Variants in DCC observed in about 807,000 individuals in gnomAD.
DCC encodes DCC netrin 1 receptor.
DCC carries 58 observed loss-of-function variants against 172.5 expected under a neutral mutation model. That is an observed-to-expected ratio of 0.34 (90% CI 0.27 to 0.42). The LOEUF (loss-of-function observed/expected upper bound fraction) is 0.42, where lower values mean the gene tolerates loss of function less well. Ranked by LOEUF, DCC falls within the 10% of genes least tolerant of loss-of-function variation. The pLI is 1.00. For missense variants in DCC, 1,740 were observed against 1,791.0 expected, an observed-to-expected ratio of 0.97 and a Z score of 0.51; for synonymous variants, 709 against 644.5, an observed-to-expected ratio of 1.10 and a Z score of -1.52.
In DCC at chr18:52,752,257, A is replaced by T; in HGVS notation, c.295A>T (p.Ile99Leu). ...GCAACTTTCAAATGGGTCTCTGCTG[A>T]TACAAAACATACTTCATTCCAGACA... ...KQQLSNGSLLIQNILHSRHHK... is the reference protein window; with the variant it reads ...KQQLSNGSLLLQNILHSRHHK... Residue 99 changes from isoleucine to leucine, a missense_variant, in exon 2 of 29, where the codon ATA becomes TTA. Physicochemically the swap from Ile to Leu is conservative, Grantham distance 5. This residue lies in a region of DCC where 1,732 missense variants were observed against 1,767.4 expected (regional missense o/e 0.98). Transcript: ENST00000442544. 6.2e-7 allele frequency: 1 copy of T among 1,614,180 alleles called. No homozygotes were observed. The highest frequency in any genetic ancestry group is 8.5e-7 in the Non-Finnish European group (1 of 1,180,032).
At chr18:52,914,771 G>A (rs1472687910) in intron 3 of DCC, among the ~76,000 whole-genome samples, 1 of 152,140 alleles carries the variant, frequency 6.6e-6, no homozygotes, top group Admixed American at 6.6e-5. Flanking sequence ...GATGCGGGAT[G>A]GCTAAGCAGC....
At chr18:53,452,604 C>T (rs2045427677) in intron 23 of DCC, among the ~76,000 whole-genome samples, 1 of 152,164 alleles carries the variant, frequency 6.6e-6, no homozygotes, top group African/African-American at 2.4e-5. Context: ...AAAAGGGAGA[C>T]TCTGAGCCCT....
At chr18:53,443,064 C>G (rs192640118) in intron 22 of DCC, among the ~76,000 whole-genome samples, 3 of 152,246 alleles carry the variant, frequency 2.0e-5, no homozygotes, top group Admixed American at 2.0e-4. Context: ...AGGAAGTTAT[C>G]CAGAAGATCT....
chr18:53,267,087 T>TAC lies in DCC; in HGVS notation c.1912-38478_1912-38477dup, dbSNP rs1175991668. The stretch of plus-strand genomic sequence containing the variant: ...AATAACACTATGTTTAACCTTTATA[T>TAC]ACACACACACACACTCTCTCTCTCA... On this transcript the variant is annotated intron_variant, in intron 12 of 28. Coordinates refer to ENST00000442544, the MANE Select transcript of DCC (RefSeq NM_005215.4). Among the ~76,000 whole-genome samples the TAC allele has an allele frequency of 7.7e-4, 115 of 149,464 alleles. No individual in the cohort carries two copies. In the Middle Eastern group the frequency reaches 0.01, roughly 13 times the overall value.
chr18:53,435,740 G>A (rs901635543), intron 22 of DCC, among the ~76,000 whole-genome samples: 1 of 152,056 alleles, frequency 6.6e-6, no homozygotes, highest in Non-Finnish European at 1.5e-5. Context: ...TCATCCTAGT[G>A]GAGCATGCCC....
intron 7 of DCC, among the ~76,000 whole-genome samples, chr18:53,108,135 A>G (rs1031066887): frequency 6.6e-6 from 1 of 151,104 alleles, no homozygotes; most frequent in Admixed American, 6.7e-5. Context: ...TCTATTATGA[A>G]ACATAAGACT....
chr18:52,677,050 G>C (rs1318610581), intron 1 of DCC, among the ~76,000 whole-genome samples: 1 of 152,056 alleles, frequency 6.6e-6, no homozygotes, highest in Non-Finnish European at 1.5e-5. Flanking sequence ...AGCTCAAAGA[G>C]CTCTGAGAAA....
At chr18:52,990,972 G>T (rs193095085) in intron 5 of DCC, among the ~76,000 whole-genome samples, 17 of 152,102 alleles carry the variant, frequency 1.1e-4, no homozygotes, top group Admixed American at 2.0e-4. Context: ...GTTTATTGAC[G>T]AGGGCATTGA....
At chr18:52,962,336 C>CA (rs2040855420) in intron 5 of DCC, among the ~76,000 whole-genome samples, 2 of 150,894 alleles carry the variant, frequency 1.3e-5, no homozygotes, top group Non-Finnish European at 3.0e-5. Flanking sequence ...TTTATGCAGC[C>CA]AAAAAACACA....
intron 1 of DCC, among the ~76,000 whole-genome samples, chr18:52,474,852 A>G (rs1989049313): frequency 6.6e-6 from 1 of 152,196 alleles, no homozygotes; most frequent in African/African-American, 2.4e-5. Flanking sequence ...GGACAGTGAA[A>G]TGGGGACCCC....
At chr18:52,886,187 C>G (rs911621684) in intron 2 of DCC, among the ~76,000 whole-genome samples, 4 of 152,204 alleles carry the variant, frequency 2.6e-5, no homozygotes, top group Admixed American at 2.6e-4. Flanking sequence ...CACATGCCAT[C>G]CGAATCTACT....
intron 3 of DCC, among the ~76,000 whole-genome samples, chr18:52,918,614 A>G (rs188400648): frequency 6.6e-6 from 1 of 152,296 alleles, no homozygotes; most frequent in African/African-American, 2.4e-5. Flanking sequence ...GCAAGAATCC[A>G]AAGATGAAAA....
At chr18:52,661,639 C>A (rs1461042951) in intron 1 of DCC, among the ~76,000 whole-genome samples, 2 of 152,196 alleles carry the variant, frequency 1.3e-5, no homozygotes, top group Non-Finnish European at 2.9e-5. Context: ...TAGAGGGAAA[C>A]CCAGCCCCAC....
At chr18:53,225,973 T>C (rs1044758254) in intron 12 of DCC, among the ~76,000 whole-genome samples, 10 of 152,040 alleles carry the variant, frequency 6.6e-5, no homozygotes, top group Non-Finnish European at 1.5e-5. Flanking sequence ...AAAATGGGCA[T>C]GGGGCAGAGT....
intron 7 of DCC, among the ~76,000 whole-genome samples, chr18:53,135,913 A>G (rs2043733945): frequency 6.6e-6 from 1 of 152,166 alleles, no homozygotes; most frequent in Non-Finnish European, 1.5e-5. Flanking sequence ...GAGCCATAGC[A>G]AGCAACTTCT....
intron 12 of DCC, among the ~76,000 whole-genome samples, chr18:53,281,501 C>T (rs1482499387): frequency 6.6e-6 from 1 of 152,162 alleles, no homozygotes; most frequent in African/African-American, 2.4e-5. Context: ...GCCTTGTCCC[C>T]AAGGACCTTG....
At chr18:52,439,931 A>T (rs373537582) in intron 1 of DCC, among the ~76,000 whole-genome samples, 64 of 152,344 alleles carry the variant, frequency 4.2e-4, no homozygotes, top group African/African-American at 1.5e-3. Context: ...AATGATGAAA[A>T]GGTATAAGGA....
chr18:53,461,998 CT>C (rs2045565112), intron 24 of DCC, among the ~76,000 whole-genome samples: 1 of 152,126 alleles, frequency 6.6e-6, no homozygotes, highest in South Asian at 2.1e-4. Flanking sequence ...ATCTTTTCCC[CT>C]TCTCTCCACT....
chr18:52,962,542 T>C (rs2145570891), intron 5 of DCC, among the ~76,000 whole-genome samples: 1 of 152,098 alleles, frequency 6.6e-6, no homozygotes, highest in Admixed American at 6.5e-5. Flanking sequence ...TGGAATTCAG[T>C]GTGGCGATTC....
Sources: gnomAD v4.1 joint callset for allele counts (sites outside exome capture counted in the v4.1 genomes callset) on GRCh38, gnomAD v4.1.1 for gene constraint, gnomAD v4.1.1 regional missense constraint, MANE v1.5 for transcripts, NCBI Gene and HGNC (gene_info 2026-07-23, HGNC 2026-07-21) for gene names.